Variants in OR4F6 observed in about 807,000 individuals in gnomAD.
OR4F6 encodes the protein olfactory receptor 4F6.
Under a neutral mutation model 15.9 loss-of-function variants are expected in OR4F6, and 13 were observed. That is an observed-to-expected ratio of 0.82 (90% CI 0.53 to 1.30). The LOEUF is 1.30. OR4F6 is among the 50% of genes most tolerant of loss of function. The pLI is 0.00. For missense variants in OR4F6, 426 were observed against 367.2 expected (o/e 1.16, Z -1.31); for synonymous variants, 150 against 133.8 (o/e 1.12, Z -0.83).
chr15:101,806,446 CAT>C lies in OR4F6; in HGVS notation c.728_729del (p.His243ArgfsTer25). The C allele has an allele frequency of 6.2e-7, 1 of 1,613,544 alleles. No homozygotes were observed. The highest frequency in any genetic ancestry group is 8.5e-7 in the Non-Finnish European group (1 of 1,179,838). ...IFKAFSMLSA[H>X]VIVVVLVFGP... ...CAAGGCTTTCTCTATGCTGTCAGCT[CAT>C]GTCATTGTGGTGGTTTTGGTCTTTG... On this transcript the variant is annotated frameshift_variant, in exon 2 of 2. Transcript: ENST00000328882. LOFTEE classifies it high-confidence loss of function.
Position 101,806,558 on chromosome 15 carries a change from C to A in OR4F6, c.839C>A (p.Pro280His). 6.2e-7 allele frequency: 1 copy of A among 1,613,484 alleles called. No homozygotes were observed. The highest frequency in any genetic ancestry group is 1.3e-5 in the African/African-American group (1 of 75,002). The change falls in exon 2 of 2, where the codon CCC (proline) becomes CAC (histidine). Residue 280 changes from proline to histidine, a missense_variant. Coordinates refer to ENST00000328882, the MANE Select transcript of OR4F6 (RefSeq NM_001005326.2). The part of the protein sequence containing the change: ...FLAIFDAVIT[P>H]VLNPVIYTFR... Reference sequence around the variant, plus strand: ...GCCATCTTTGATGCAGTTATCACTCCCGTTTTGAATCCAGTCATCTATACT... The same window carrying A: ...GCCATCTTTGATGCAGTTATCACTCACGTTTTGAATCCAGTCATCTATACT...
In OR4F6 at chr15:101,806,716, T is replaced by G; in HGVS notation, c.*58T>G. ...ACTAGAATTTCAGACAGATATGTGT[T>G]AAGTAAGCTATGTTAAATTTAACCA... On this transcript the variant is annotated 3_prime_UTR_variant, in exon 2 of 2. Transcript: ENST00000328882. 1 of 964,970 alleles carries G rather than the reference T, an allele frequency of 1.0e-6. No homozygotes were observed. Among genetic ancestry groups the G allele is most frequent in the South Asian group, 1.9e-5 (1 of 53,146 alleles). The allele number at this position is 964,970 out of a possible 1,614,324, so 59.8% of individuals were successfully genotyped here.
chr15:101,804,700 G>A (rs993233932), intron 1 of OR4F6, among the ~76,000 whole-genome samples: 2 of 152,144 alleles, frequency 1.3e-5, no homozygotes, highest in African/African-American at 2.4e-5. Flanking sequence ...ACAAAGTGTG[G>A]TACATAAAGA....
chr15:101,806,098 T>G lies in OR4F6; in HGVS notation c.379T>G (p.Cys127Gly). 6.2e-7 allele frequency: 1 copy of G among 1,614,206 alleles called. No homozygotes were observed. Among genetic ancestry groups the G allele is most frequent in the Non-Finnish European group, 8.5e-7 (1 of 1,180,014 alleles). The change falls in exon 2 of 2, where the codon TGT (cysteine) becomes GGT (glycine). Residue 127 changes from cysteine (C) to glycine (G), a missense_variant. Cys to Gly is a radical substitution (Grantham distance 159). Transcript: ENST00000328882. ...AMAFDRYVAI[C>G]KPLHYLTIMN... Reference sequence around the variant, plus strand: ...GGCTTTTGACCGATATGTGGCCATATGTAAGCCTCTCCACTACCTGACCAT... The same window carrying G: ...GGCTTTTGACCGATATGTGGCCATAGGTAAGCCTCTCCACTACCTGACCAT...
In OR4F6 at chr15:101,805,700, T is replaced by G. The variant is rs76064261; in HGVS notation, c.-20T>G. ...CTCCTCTTTCAGTTAGCATGAGAGT[T>G]GTCACAGCCGACAGAGGCAATGGAT... On this transcript the variant is annotated 5_prime_UTR_variant, in exon 2 of 2. Coordinates refer to ENST00000328882, the MANE Select transcript of OR4F6 (RefSeq NM_001005326.2). 1,202 of 1,578,332 alleles carry G rather than the reference T, an allele frequency of 7.6e-4. No homozygotes were observed. The highest frequency in any genetic ancestry group is 1.0e-3 in the Non-Finnish European group (1,154 of 1,155,902).
Position 101,805,718 on chromosome 15 carries a change from C to T in OR4F6, c.-2C>T. 1.2e-6 allele frequency: 2 copies of T among 1,603,736 alleles called. No homozygotes were observed. The highest frequency in any genetic ancestry group is 1.1e-5 in the South Asian group (1 of 89,926). The stretch of plus-strand genomic sequence containing the variant: ...TGAGAGTTGTCACAGCCGACAGAGG[C>T]AATGGATGAAGCCAATCACTCTGTG... On this transcript the variant is annotated 5_prime_UTR_variant, in exon 2 of 2. Transcript: ENST00000328882.
chr15:101,806,627 C>T lies in OR4F6; in HGVS notation c.908C>T (p.Ser303Phe). The T allele has an allele frequency of 6.3e-7, 1 of 1,588,726 alleles. No homozygotes were observed. The highest frequency in any genetic ancestry group is 2.2e-5 in the East Asian group (1 of 44,692). ...ATGGTGGCAATGAGAAGACGATGCTCTCAGTTTGTGAATTACAGTAAAATC... is the reference window on the plus strand; with the variant it reads ...ATGGTGGCAATGAGAAGACGATGCTTTCAGTTTGTGAATTACAGTAAAATC... ...EMMVAMRRRC[S>F]QFVNYSKIF Residue 303 changes from serine to phenylalanine, a missense_variant, in exon 2 of 2, where the codon TCT (serine) becomes TTT (phenylalanine). Coordinates refer to ENST00000328882, the MANE Select transcript of OR4F6 (RefSeq NM_001005326.2).
At position 101,806,236 on chromosome 15, in the gene OR4F6, G is replaced by T. The variant is rs1392960625; in HGVS notation, c.517G>T (p.Glu173Ter). ...AGACCTGCTGTTCTGTGGCCCTAAT[G>T]AATTAGATAGTTTCTTTTGTGATCT... Reference protein sequence around the residue: ...VVDLLFCGPNELDSFFCDLPR... With the variant: ...VVDLLFCGPN The change falls in exon 2 of 2, where the codon GAA becomes TAA. Residue 173 changes from glutamate (E) to a stop codon, truncating the protein, a stop_gained. Transcript: ENST00000328882. LOFTEE classifies it high-confidence loss of function. 1 of 1,613,932 alleles carries T rather than the reference G, an allele frequency of 6.2e-7. No individual in the cohort carries two copies. The highest frequency in any genetic ancestry group is 8.5e-7 in the Non-Finnish European group (1 of 1,180,002).
rs1197734395 is a variant in OR4F6 at position 101,806,390 on chromosome 15, CTGTT to C, written c.672_675del (p.Val225ArgfsTer29). 1.5e-5 allele frequency: 24 copies of C among 1,613,678 alleles called. No individual in the cohort carries two copies. The highest frequency in any genetic ancestry group is 2.0e-5 in the Non-Finnish European group (24 of 1,179,854). ...ATCTCTTACATCTTTATTTTGGTGA[CTGTT>C]CAGAAAAAATCTTCAGGTGGTATAT... On this transcript the variant is annotated frameshift_variant, in exon 2 of 2. Transcript: ENST00000328882. LOFTEE classifies it high-confidence loss of function.
At position 101,805,909 on chromosome 15, in the gene OR4F6, G is replaced by T. The variant is rs1264444576; in HGVS notation, c.190G>T (p.Ala64Ser). 6.2e-7 allele frequency: 1 copy of T among 1,614,078 alleles called. No homozygotes were observed. The highest frequency in any genetic ancestry group is 1.3e-5 in the African/African-American group (1 of 74,992). The change falls in exon 2 of 2, where the codon GCC (alanine) becomes TCC (serine). Residue 64 changes from alanine to serine, a missense_variant. Physicochemically the swap from Ala to Ser is moderately conservative, Grantham distance 99. Transcript: ENST00000328882. ...ACAGTCCCCCATGTACTTCCTGCTG[G>T]CCAACCTTTCCATCATCAATTTGGT... Reference protein sequence around the residue: ...RLQSPMYFLLANLSIINLVFC... With the variant: ...RLQSPMYFLLSNLSIINLVFC...
In OR4F6 at chr15:101,806,811, T is replaced by G; in HGVS notation, c.*153T>G. The G allele has an allele frequency of 2.0e-6, 1 of 505,430 alleles. No individual in the cohort carries two copies. Among genetic ancestry groups the G allele is most frequent in the South Asian group, 4.4e-5 (1 of 22,834 alleles). The allele number at this position is 505,430 out of a possible 1,614,324, so 31.3% of individuals were successfully genotyped here. A position where few individuals can be genotyped will look rare whatever the true frequency, so the allele number is the denominator to read the frequency against. Reference sequence around the variant, plus strand: ...TTCCCAAATTGAATTGTGGTATCAATCTCTTGCTTATATAGGAGATTTAAA... The same window carrying G: ...TTCCCAAATTGAATTGTGGTATCAAGCTCTTGCTTATATAGGAGATTTAAA... On this transcript the variant is annotated 3_prime_UTR_variant, in exon 2 of 2. Coordinates refer to ENST00000328882, the MANE Select transcript of OR4F6 (RefSeq NM_001005326.2).
chr15:101,806,748 C>T lies in OR4F6; in HGVS notation c.*90C>T, dbSNP rs1902816639. ...GCTATGTTAAATTTAACCAGAATAT[C>T]ACTTTCTACTAGTATGTATTGTGTT... On this transcript the variant is annotated 3_prime_UTR_variant, in exon 2 of 2. Coordinates refer to ENST00000328882, the MANE Select transcript of OR4F6 (RefSeq NM_001005326.2). The T allele has an allele frequency of 9.6e-6, 7 of 729,030 alleles. No homozygotes were observed. Among genetic ancestry groups the T allele is most frequent in the Non-Finnish European group, 1.5e-5 (7 of 452,348 alleles). 45.2% of individuals were successfully genotyped at this position (729,030 alleles called of 1,614,324 possible). A position where few individuals can be genotyped will look rare whatever the true frequency, so the allele number is the denominator to read the frequency against.
chr15:101,805,986 C>T lies in OR4F6; in HGVS notation c.267C>T (p.His89=). 1 of 1,614,182 alleles carries T rather than the reference C, an allele frequency of 6.2e-7. No individual in the cohort carries two copies. The highest frequency in any genetic ancestry group is 8.5e-7 in the Non-Finnish European group (1 of 1,180,022). The change falls in exon 2 of 2, where the codon CAC becomes CAT. Residue 89 remains histidine, a synonymous_variant. Transcript: ENST00000328882. The part of the protein sequence containing the change: ...PKMIYDLFRK[H]KTISFGGCVV... Reference sequence around the variant, plus strand: ...TGATTTATGACCTTTTCAGGAAGCACAAGACCATCTCTTTTGGGGGCTGTG... The same window carrying T: ...TGATTTATGACCTTTTCAGGAAGCATAAGACCATCTCTTTTGGGGGCTGTG...
In OR4F6 at chr15:101,806,491, T is replaced by C. The variant is rs2080388387; in HGVS notation, c.772T>C (p.Tyr258His). ...GGTCTTTGGGCCATTAATCTTTTTC[T>C]ATATTTTTCCATTTCCCACATCACA... ...VLVFGPLIFFYIFPFPTSHLD... is the reference protein window; with the variant it reads ...VLVFGPLIFFHIFPFPTSHLD... The change falls in exon 2 of 2, where the codon TAT (tyrosine) becomes CAT (histidine). Residue 258 changes from tyrosine to histidine, a missense_variant. By Grantham distance (83) the Tyr-to-His change is moderately conservative. Transcript: ENST00000328882. 3 of 1,613,978 alleles carry C rather than the reference T, an allele frequency of 1.9e-6. No homozygotes were observed. Among genetic ancestry groups the C allele is most frequent in the East Asian group, 2.2e-5 (1 of 44,872 alleles).
intron 1 of OR4F6, among the ~76,000 whole-genome samples, chr15:101,804,962 G>T (rs1174186470): frequency 6.6e-6 from 1 of 152,192 alleles, no homozygotes; most frequent in Non-Finnish European, 1.5e-5. Context: ...AGCTTCTAGG[G>T]AGCAATTTAG....
Position 101,806,766 on chromosome 15 carries a change from A to G in OR4F6, c.*108A>G. 1.6e-6 allele frequency: 1 copy of G among 611,208 alleles called. No homozygotes were observed. The highest frequency in any genetic ancestry group is 3.5e-5 in the Admixed American group (1 of 28,366). The allele number at this position is 611,208 out of a possible 1,614,324, so 37.9% of individuals were successfully genotyped here. A position where few individuals can be genotyped will look rare whatever the true frequency, so the allele number is the denominator to read the frequency against. On this transcript the variant is annotated 3_prime_UTR_variant, in exon 2 of 2. Coordinates refer to ENST00000328882, the MANE Select transcript of OR4F6 (RefSeq NM_001005326.2). ...AGAATATCACTTTCTACTAGTATGT[A>G]TTGTGTTGTCTTTTTTTTCTTCCCA...
Position 101,805,976 on chromosome 15 carries a change from T to C in OR4F6, c.257T>C (p.Phe86Ser). The change falls in exon 2 of 2, where the codon TTC becomes TCC. Residue 86 changes from phenylalanine to serine, a missense_variant. Transcript: ENST00000328882. Reference sequence around the variant, plus strand: ...GCTCCCAAGATGATTTATGACCTTTTCAGGAAGCACAAGACCATCTCTTTT... The same window carrying C: ...GCTCCCAAGATGATTTATGACCTTTCCAGGAAGCACAAGACCATCTCTTTT... ...STAPKMIYDL[F>S]RKHKTISFGG... The C allele has an allele frequency of 6.2e-7, 1 of 1,614,158 alleles. No individual in the cohort carries two copies. Among genetic ancestry groups the C allele is most frequent in the South Asian group, 1.1e-5 (1 of 91,088 alleles).
At chr15:101,805,270 C>T (rs1902777115) in intron 1 of OR4F6, among the ~76,000 whole-genome samples, 1 of 152,036 alleles carries the variant, frequency 6.6e-6, no homozygotes, top group South Asian at 2.1e-4. Context: ...TTTATTTCCA[C>T]TTAGTGTATA....
In OR4F6 at chr15:101,806,395, C is replaced by A. The variant is rs200467669; in HGVS notation, c.676C>A (p.Gln226Lys). 2 of 1,613,508 alleles carry A rather than the reference C, an allele frequency of 1.2e-6. No homozygotes were observed. Among genetic ancestry groups the A allele is most frequent in the South Asian group, 2.2e-5 (2 of 91,026 alleles). ...ISYIFILVTV[Q>K]KKSSGGIFKA... The stretch of plus-strand genomic sequence containing the variant: ...TTACATCTTTATTTTGGTGACTGTT[C>A]AGAAAAAATCTTCAGGTGGTATATT... Residue 226 changes from glutamine (Q) to lysine (K), a missense_variant, in exon 2 of 2, where the codon CAG becomes AAG. Transcript: ENST00000328882.
Sources: allele counts gnomAD v4.1 joint callset (sites outside exome capture counted in the v4.1 genomes callset), GRCh38; gene constraint gnomAD v4.1.1; transcripts MANE v1.5; gene names NCBI Gene and HGNC (gene_info 2026-07-23, HGNC 2026-07-21).